Variants in DGKG observed in about 807,000 individuals in gnomAD.
DGKG encodes the protein diacylglycerol kinase gamma, also known as DAG kinase gamma.
DGKG carries 78 observed loss-of-function variants against 105.3 expected under a neutral mutation model. The observed-to-expected ratio is 0.74, with a 90% CI of 0.62 to 0.89. DGKG has a LOEUF of 0.89. Ranked by LOEUF, DGKG falls within the 40% of genes least tolerant of loss-of-function variation. The pLI, the probability that DGKG is intolerant of heterozygous loss-of-function variation, is 0.00. For synonymous variants in DGKG, 346 were observed against 367.1 expected (o/e 0.94, Z 0.66); for missense variants, 958 against 1,020.1 (o/e 0.94, Z 0.83).
Position 186,320,397 on chromosome 3 carries a change from T to A in DGKG, c.63A>T (p.Ser21=). ...PEEFDQLQKY[S]EYSSKKIKDA... ...GCTGTCAATGCATTTACTCACATTC[T>A]GAATATTTCTGGAGTTGGTCAAATT... is the stretch of plus-strand genomic sequence containing the variant. Residue 21 remains serine, a synonymous_variant, in exon 2 of 25, where the codon TCA becomes TCT. Coordinates refer to ENST00000265022, the MANE Select transcript of DGKG (RefSeq NM_001346.3). The A allele has an allele frequency of 6.2e-7, 1 of 1,614,214 alleles. No individual in the cohort carries two copies.
At chr3:186,253,304 C>A (rs1485936678) in intron 17 of DGKG, 122 bp from the exon 18 acceptor site, 1 of 744,786 alleles carries the variant, frequency 1.3e-6, no homozygotes, top group African/African-American at 1.7e-5. Flanking sequence ...TGAATACCAC[C>A]CTGATGGGAA....
Position 186,203,774 on chromosome 3 carries a change from C to T in DGKG, c.1917+8021G>A, listed in dbSNP as rs1487198430. Among the ~76,000 whole-genome samples, 1 of 152,236 alleles carries T rather than the reference C, an allele frequency of 6.6e-6. No homozygotes were observed. The highest frequency in any genetic ancestry group is 1.5e-5 in the Non-Finnish European group (1 of 68,048). ...CACGAACTCAAAATCCCTTCTAATG[C>T]TCTTCTCAACTTTCCCTTCCCCATG... is the stretch of plus-strand genomic sequence containing the variant. On this transcript the variant is annotated intron_variant, in intron 21 of 24. Transcript: ENST00000265022. The surrounding 1 kb of genome is among the most constrained non-coding windows in gnomAD (Gnocchi z 4.9).
Position 186,284,684 on chromosome 3 carries a change from A to G in DGKG, c.570T>C (p.Asp190=), listed in dbSNP as rs769844580. 67 of 1,613,848 alleles carry G rather than the reference A, an allele frequency of 4.2e-5. 1 individual carries two copies. The highest frequency in any genetic ancestry group is 8.8e-5 in the South Asian group (8 of 91,082). The change falls in exon 7 of 25, where the codon GAT becomes GAC. Residue 190 remains aspartate (D), a synonymous_variant. Transcript: ENST00000265022. The surrounding 1 kb of genome is among the most constrained non-coding windows in gnomAD (Gnocchi z 4.0). The stretch of plus-strand genomic sequence containing the variant: ...CCGCTTGGTCCAGGAGACCGTTCTC[A>G]TCTGAATCATAGAGGCGAAACATGA... ...LEFMFRLYDS[D]ENGLLDQAEM...
chr3:186,302,640 CTATATA>C (rs1344760376), intron 3 of DGKG, among the ~76,000 whole-genome samples: 1 of 120,836 alleles, frequency 8.3e-6, no homozygotes, highest in African/African-American at 2.8e-5. Flanking sequence ...ATATCTATAT[CTATATA>C]TCTATATATC....
At chr3:186,357,397 G>A (rs1245745075) in intron 1 of DGKG, among the ~76,000 whole-genome samples, 4 of 152,082 alleles carry the variant, frequency 2.6e-5, no homozygotes, top group Non-Finnish European at 4.4e-5. Context: ...TATTGAGGCA[G>A]TAAAGCAAAA....
intron 21 of DGKG, among the ~76,000 whole-genome samples, chr3:186,189,128 T>C (rs2108501287): frequency 6.6e-6 from 1 of 152,310 alleles, no homozygotes; most frequent in African/African-American, 2.4e-5. Flanking sequence ...ATTTTCATTT[T>C]GCCCCCTCCT....
intron 24 of DGKG, among the ~76,000 whole-genome samples, chr3:186,155,722 T>C (rs1716003076): frequency 6.6e-6 from 1 of 152,196 alleles, no homozygotes; most frequent in Non-Finnish European, 1.5e-5. Context: ...TCTTGACACA[T>C]GGGTCTACAT....
chr3:186,215,345 A>T (rs543057794), intron 20 of DGKG, among the ~76,000 whole-genome samples: 1 of 147,480 alleles, frequency 6.8e-6, no homozygotes, highest in Non-Finnish European at 1.5e-5. Context: ...CGGGAGGCGG[A>T]GGATGCAGTG....
intron 20 of DGKG, among the ~76,000 whole-genome samples, chr3:186,235,324 A>G (rs1720364467): frequency 6.6e-6 from 1 of 152,194 alleles, no homozygotes. Context: ...TAAGAAAAAT[A>G]GTTTGCTATA....
intron 20 of DGKG, among the ~76,000 whole-genome samples, chr3:186,230,378 T>C (rs1720093654): frequency 6.6e-6 from 1 of 152,220 alleles, no homozygotes; most frequent in African/African-American, 2.4e-5. Context: ...GAATATTCTG[T>C]GCTGCATTTT....
intron 5 of DGKG, among the ~76,000 whole-genome samples, chr3:186,291,338 A>T (rs1460984649): frequency 6.6e-6 from 1 of 151,504 alleles, no homozygotes; most frequent in Non-Finnish European, 1.5e-5. Context: ...AACGTTCTTA[A>T]TATTTTAGCA....
At chr3:186,321,749 A>T (rs1725087353) in intron 1 of DGKG, among the ~76,000 whole-genome samples, 1 of 152,140 alleles carries the variant, frequency 6.6e-6, no homozygotes, top group South Asian at 2.1e-4. Flanking sequence ...GTTGTTTTGG[A>T]CCTGGAGAGT....
At chr3:186,229,623 A>G (rs1477706913) in intron 20 of DGKG, among the ~76,000 whole-genome samples, 1 of 152,194 alleles carries the variant, frequency 6.6e-6, no homozygotes, top group African/African-American at 2.4e-5. Flanking sequence ...TTGTTATGGC[A>G]GCCCAGGACA....
intron 22 of DGKG, among the ~76,000 whole-genome samples, chr3:186,183,633 T>C (rs1717469548): frequency 6.6e-6 from 1 of 152,092 alleles, no homozygotes; most frequent in South Asian, 2.1e-4. Context: ...AATATAAGTT[T>C]AATGTGCTAC....
At chr3:186,199,116 T>G (rs1416675984) in intron 21 of DGKG, among the ~76,000 whole-genome samples, 5 of 151,850 alleles carry the variant, frequency 3.3e-5, no homozygotes, top group African/African-American at 1.2e-4. Flanking sequence ...CCCAGCTAAT[T>G]TATGTATTTT....
chr3:186,148,567 A>C lies in DGKG; in HGVS notation c.*1523T>G. The C allele has an allele frequency of 1.0e-6, 1 of 985,278 alleles. No homozygotes were observed. Among genetic ancestry groups the C allele is most frequent in the Non-Finnish European group, 1.2e-6 (1 of 829,918 alleles). 61.0% of individuals were successfully genotyped at this position (985,278 alleles called of 1,614,324 possible). A position where few individuals can be genotyped will look rare whatever the true frequency, so the allele number is the denominator to read the frequency against. ...ACTCACTTTTCAGTGACCAGAAATGACCCTACTCTGAGATGTGTGGGTTCT... is the reference window on the plus strand; with the variant it reads ...ACTCACTTTTCAGTGACCAGAAATGCCCCTACTCTGAGATGTGTGGGTTCT... On this transcript the variant is annotated 3_prime_UTR_variant, in exon 25 of 25. Coordinates refer to ENST00000265022, the MANE Select transcript of DGKG (RefSeq NM_001346.3).
intron 19 of DGKG, among the ~76,000 whole-genome samples, chr3:186,250,839 C>T (rs377638548): frequency 2.6e-5 from 4 of 152,178 alleles, no homozygotes; most frequent in Admixed American, 6.5e-5. Flanking sequence ...CGTGAGCTAC[C>T]GTGCCTGACC....
intron 20 of DGKG, among the ~76,000 whole-genome samples, chr3:186,239,891 G>A (rs1397840430): frequency 6.7e-6 from 1 of 150,214 alleles, no homozygotes; most frequent in Non-Finnish European, 1.5e-5. Flanking sequence ...TAAAATGCAC[G>A]CTACAATCTT....
Position 186,298,207 on chromosome 3 carries a change from T to C in DGKG, c.167A>G (p.Lys56Arg), listed in dbSNP as rs751360387. Residue 56 changes from lysine to arginine, a missense_variant, in exon 4 of 25, where the codon AAG (lysine) becomes AGG (arginine). Physicochemically the swap from Lys to Arg is conservative, Grantham distance 26. Around this residue, in one of 2 missense-constraint regions of DGKG, gnomAD observed 643 missense variants for 619.5 expected, o/e 1.04. Coordinates refer to ENST00000265022, the MANE Select transcript of DGKG (RefSeq NM_001346.3). ...CTCCAGGTACGCCCTCATGAACAGC[T>C]TGAAGACATCATAGCTAATCGGCTG... ...PHEPISYDVFKLFMRAYLEVD... is the reference protein window; with the variant it reads ...PHEPISYDVFRLFMRAYLEVD... 5 of 1,609,058 alleles carry C rather than the reference T, an allele frequency of 3.1e-6. No homozygotes were observed. Among genetic ancestry groups the C allele is most frequent in the Non-Finnish European group, 3.4e-6 (4 of 1,177,938 alleles).
Sources: gnomAD v4.1 joint callset for allele counts (sites outside exome capture counted in the v4.1 genomes callset) on GRCh38, gnomAD v4.1.1 for gene constraint, gnomAD v4.1.1 regional missense constraint, Gnocchi (gnomAD v3.1) non-coding constraint, MANE v1.5 for transcripts, NCBI Gene and HGNC (gene_info 2026-07-23, HGNC 2026-07-21) for gene names.